ATP6V0A1: variants seen among roughly 807,000 people sequenced by gnomAD.
ATP6V0A1 encodes the protein ATPase H+ transporting V0 subunit a1, also known as V-type proton ATPase 116 kDa subunit a 1.
In ATP6V0A1, 43 loss-of-function variants were observed where a neutral mutation model predicts 105.4. That is an observed-to-expected ratio of 0.41 (90% CI 0.32 to 0.53). ATP6V0A1 has a LOEUF of 0.53. Among genes scored for constraint, ATP6V0A1 ranks in the 20% least tolerant of loss-of-function variants. The probability of loss-of-function intolerance (pLI) is 0.30; values close to 1 mark genes in which losing one functional copy is unlikely to be tolerated. For synonymous variants in ATP6V0A1, 362 were observed against 372.8 expected, an observed-to-expected ratio of 0.97 and a Z score of 0.33; for missense variants, 676 against 1,051.1, an observed-to-expected ratio of 0.64 and a Z score of 4.93.
At chr17:42,483,430 CAG>C (rs1192319195) in intron 9 of ATP6V0A1, among the ~76,000 whole-genome samples, 3 of 150,194 alleles carry the variant, frequency 2.0e-5, no homozygotes, top group Non-Finnish European at 4.4e-5. Context: ...TTTTTTGAGA[CAG>C]AGTCTCACTC....
At chr17:42,509,839 C>G (rs1329880712) in intron 19 of ATP6V0A1, 1 of 152,302 alleles carries the variant, frequency 6.6e-6, no homozygotes, top group Non-Finnish European at 1.5e-5. Context: ...CTCTGGCCAC[C>G]CAGCTCACTC....
At chr17:42,506,126 A>G (rs982516809) in intron 17 of ATP6V0A1, among the ~76,000 whole-genome samples, 1 of 152,172 alleles carries the variant, frequency 6.6e-6, no homozygotes, top group Non-Finnish European at 1.5e-5. Context: ...GCAAGCCTAG[A>G]TGTTCCAGCA....
intron 17 of ATP6V0A1, among the ~76,000 whole-genome samples, chr17:42,506,317 G>C (rs1198260856): frequency 6.6e-6 from 1 of 152,232 alleles, no homozygotes. Context: ...TTAAAATGCA[G>C]CTTTTGGGGT....
intron 10 of ATP6V0A1, among the ~76,000 whole-genome samples, chr17:42,487,782 T>C (rs748930433): frequency 1.3e-5 from 2 of 152,224 alleles, no homozygotes; most frequent in Non-Finnish European, 2.9e-5. Context: ...ATGTCATTTT[T>C]ATGGCATTTC....
chr17:42,512,622 C>A (rs1326518221), intron 19 of ATP6V0A1, among the ~76,000 whole-genome samples: 1 of 152,176 alleles, frequency 6.6e-6, no homozygotes, highest in Admixed American at 6.5e-5. Flanking sequence ...AGCAGACGTT[C>A]GCCCAGAGAT....
At chr17:42,470,058 C>T in intron 4 of ATP6V0A1, 32 bp from the exon 5 acceptor site, 1 of 1,559,280 alleles carries the variant, frequency 6.4e-7, no homozygotes, top group Non-Finnish European at 8.7e-7. Context: ...ACATATTGAG[C>T]TTAGCTTAAT....
At chr17:42,519,742 TC>T in intron 21 of ATP6V0A1, 1 of 152,396 alleles carries the variant, frequency 6.6e-6, no homozygotes, top group Non-Finnish European at 1.5e-5. Flanking sequence ...CTCTGTGTCC[TC>T]CCCCTCCTGA....
intron 18 of ATP6V0A1, 110 bp downstream of exon 18, chr17:42,507,737 T>G: frequency 1.1e-6 from 1 of 943,100 alleles, no homozygotes; most frequent in East Asian, 2.6e-5. Flanking sequence ...AAAATACTAA[T>G]TAATATTCAG....
chr17:42,492,692 G>T (rs1451103838), intron 11 of ATP6V0A1, among the ~76,000 whole-genome samples: 1 of 127,938 alleles, frequency 7.8e-6, no homozygotes, highest in Non-Finnish European at 1.6e-5. Context: ...GGCAAAAAGA[G>T]TGAAACTCTG....
Position 42,507,544 on chromosome 17 carries a change from A to G in ATP6V0A1, c.2029A>G (p.Arg677Gly). 6.2e-7 allele frequency: 1 copy of G among 1,613,290 alleles called. No individual in the cohort carries two copies. Among genetic ancestry groups the G allele is most frequent in the South Asian group, 1.1e-5 (1 of 91,056 alleles). ...HLGTLNFGGI[R>G]VGNGPTEEDA... is the part of the protein sequence containing the mutation. Reference sequence around the variant, plus strand: ...GGGAACTCTCAACTTTGGTGGGATCAGGGTGGGCAACGGACCGACAGAGGA... The same window carrying G: ...GGGAACTCTCAACTTTGGTGGGATCGGGGTGGGCAACGGACCGACAGAGGA... The change falls in exon 18 of 22, where the codon AGG (arginine) becomes GGG (glycine). Residue 677 changes from arginine (R) to glycine (G), a missense_variant. Transcript: ENST00000343619.
intron 5 of ATP6V0A1, among the ~76,000 whole-genome samples, chr17:42,473,236 TA>T (rs1327381000): frequency 6.6e-6 from 1 of 152,176 alleles, no homozygotes; most frequent in Non-Finnish European, 1.5e-5. Flanking sequence ...ACAGTGTGAT[TA>T]ACTCTAAGTG....
chr17:42,489,228 C>T (rs550696450), intron 10 of ATP6V0A1, among the ~76,000 whole-genome samples: 18 of 151,584 alleles, frequency 1.2e-4, no homozygotes, highest in African/African-American at 3.9e-4. Context: ...TACAGGTGTG[C>T]GCCACCACAC....
chr17:42,480,604 A>G, intron 7 of ATP6V0A1, 63 bp from the exon 8 acceptor site: 1 of 1,521,398 alleles, frequency 6.6e-7, no homozygotes, highest in South Asian at 1.2e-5. Context: ...AAAGTGGGTT[A>G]TTTAAGAGAT....
Position 42,520,921 on chromosome 17 carries a change from C to T in ATP6V0A1, c.2421-106C>T. The T allele has an allele frequency of 3.0e-6, 3 of 986,038 alleles. No homozygotes were observed. The South Asian group carries it at 4.8e-5, about 16-fold the overall frequency. The allele number at this position is 986,038 out of a possible 1,614,324, so 61.1% of individuals were successfully genotyped here. On this transcript the variant is annotated intron_variant, in intron 21 of 21. Transcript: ENST00000343619. ...CTCTAGCTTCCCCAGGGAAGGGAGGCTCGGGGTGAGGTGGGCACGGGGCAT... is the reference window on the plus strand; with the variant it reads ...CTCTAGCTTCCCCAGGGAAGGGAGGTTCGGGGTGAGGTGGGCACGGGGCAT...
intron 17 of ATP6V0A1, chr17:42,502,911 G>A (rs1246728428): frequency 6.6e-6 from 1 of 152,652 alleles, no homozygotes; most frequent in Non-Finnish European, 1.5e-5. Context: ...TTCATTTAAA[G>A]AGGTGGCAAA....
intron 6 of ATP6V0A1, among the ~76,000 whole-genome samples, chr17:42,478,072 G>A (rs2088980937): frequency 6.6e-6 from 1 of 152,082 alleles, no homozygotes; most frequent in South Asian, 2.1e-4. Flanking sequence ...GGACATGGAT[G>A]AAGCTGGAAA....
chr17:42,476,269 T>C (rs144923419), intron 5 of ATP6V0A1, among the ~76,000 whole-genome samples: 1 of 152,314 alleles, frequency 6.6e-6, no homozygotes, highest in African/African-American at 2.4e-5. Context: ...CCCAAAATGA[T>C]TGCTTTCTAT....
intron 5 of ATP6V0A1, among the ~76,000 whole-genome samples, chr17:42,472,610 G>A (rs2145753639): frequency 6.6e-6 from 1 of 152,050 alleles, no homozygotes; most frequent in South Asian, 2.1e-4. Flanking sequence ...TATAATCCCA[G>A]CTATTCATGA....
intron 2 of ATP6V0A1, among the ~76,000 whole-genome samples, chr17:42,461,941 T>G (rs905478861): frequency 6.7e-6 from 1 of 149,702 alleles, no homozygotes; most frequent in Non-Finnish European, 1.5e-5. Context: ...GTGCAATGGC[T>G]CACACCTGAA....
Sources: allele counts gnomAD v4.1 joint callset (sites outside exome capture counted in the v4.1 genomes callset), GRCh38; gene constraint gnomAD v4.1.1; transcripts MANE v1.5; gene names NCBI Gene and HGNC (gene_info 2026-07-23, HGNC 2026-07-21).